The following PRIM2 variants were observed in gnomAD, a reference collection of about 807,000 sequenced individuals.
PRIM2 encodes the protein DNA primase subunit 2, also known as DNA primase large subunit.
In PRIM2, 39 loss-of-function variants were observed where a neutral mutation model predicts 67.3. That is an observed-to-expected ratio of 0.58 (90% CI 0.45 to 0.76). The LOEUF is 0.76. Ranked by LOEUF, PRIM2 falls within the 30% of genes least tolerant of loss-of-function variation. The pLI, the probability that PRIM2 is intolerant of heterozygous loss-of-function variation, is 0.00. For missense variants in PRIM2, 398 were observed against 598.7 expected (o/e 0.66, Z 3.50); for synonymous variants, 143 against 198.7 (o/e 0.72, Z 2.36).
chr6:57,463,388 T>C (rs35880641), intron 7 of PRIM2, among the ~76,000 whole-genome samples: 2 of 152,158 alleles, frequency 1.3e-5, no homozygotes, highest in Non-Finnish European at 2.9e-5. Flanking sequence ...GCTACTCAGG[T>C]GGCTGAGCTG....
At chr6:57,273,999 G>A in the PRIM2 span, among the ~76,000 whole-genome samples, 1 of 152,198 alleles carries the variant, frequency 6.6e-6, no homozygotes, top group Admixed American at 6.5e-5. Context: ...TTTTGTCTCC[G>A]AGGAGTACCC....
the PRIM2 span, chr6:57,221,803 G>A: frequency 2.0e-5 from 3 of 152,402 alleles, no homozygotes; most frequent in African/African-American, 7.2e-5. Context: ...CGGTGCTCAG[G>A]GAGGGGAGAG....
chr6:57,457,555 G>A (rs1214242137), intron 7 of PRIM2, among the ~76,000 whole-genome samples: 1 of 152,188 alleles, frequency 6.6e-6, no homozygotes, highest in African/African-American at 2.4e-5. Context: ...CTAGCAATGA[G>A]TGAGGCTCTG....
At chr6:57,591,031 T>C (rs1341667253) in intron 10 of PRIM2, among the ~76,000 whole-genome samples, 1 of 152,210 alleles carries the variant, frequency 6.6e-6, no homozygotes, top group Non-Finnish European at 1.5e-5. Context: ...CCTTGGGGCC[T>C]CCACATCTCC....
chr6:57,311,771 A>G (rs1361469768), upstream of PRIM2, among the ~76,000 whole-genome samples: 1 of 152,100 alleles, frequency 6.6e-6, no homozygotes, highest in Non-Finnish European at 1.5e-5. Context: ...CTCCGTCTGC[A>G]ATCCCAGCAC....
chr6:57,326,104 C>G, intron 5 of PRIM2, 59 bp downstream of exon 5: 1 of 1,585,122 alleles, frequency 6.3e-7, no homozygotes. Flanking sequence ...TCCCTTCTGT[C>G]TTAAGTGCTG....
chr6:57,621,962 C>G (rs1406038199), intron 12 of PRIM2, among the ~76,000 whole-genome samples: 9 of 149,832 alleles, frequency 6.0e-5, no homozygotes, highest in African/African-American at 2.2e-4. Context: ...TTCTTTCTTT[C>G]TTTTTTGAGA....
At chr6:57,232,148 C>T in the PRIM2 span, among the ~76,000 whole-genome samples, 2 of 152,074 alleles carry the variant, frequency 1.3e-5, no homozygotes, top group Non-Finnish European at 2.9e-5. Flanking sequence ...ACAAGTTCCG[C>T]AAAACAAAAC....
chr6:57,622,591 CTTTT>C, intron 12 of PRIM2, among the ~76,000 whole-genome samples: 1 of 151,916 alleles, frequency 6.6e-6, no homozygotes, highest in East Asian at 1.9e-4. Context: ...TTTTAAAACT[CTTTT>C]TATTTCTCAT....
At chr6:57,407,418 T>G (rs1319680888) in intron 7 of PRIM2, among the ~76,000 whole-genome samples, 2 of 152,104 alleles carry the variant, frequency 1.3e-5, no homozygotes, top group Non-Finnish European at 2.9e-5. Context: ...GTCACAGATT[T>G]TTTTTTTCAC....
chr6:57,306,982 C>T, the PRIM2 span, among the ~76,000 whole-genome samples: 2,851 of 152,056 alleles, frequency 0.019, 37 homozygotes, highest in Middle Eastern at 0.034. Context: ...AGGTGGATCA[C>T]GAGGTCAGGA....
intron 13 of PRIM2, among the ~76,000 whole-genome samples, chr6:57,640,249 G>A (rs1777206289): frequency 2.0e-5 from 3 of 152,092 alleles, no homozygotes; most frequent in Admixed American, 1.3e-4. Context: ...AATAGTAAGA[G>A]CTATTTTTTG....
At chr6:57,322,552 TCTC>T (rs937663017) in intron 3 of PRIM2, among the ~76,000 whole-genome samples, 22 of 152,260 alleles carry the variant, frequency 1.4e-4, no homozygotes, top group African/African-American at 4.1e-4. Context: ...GCTCAGCACT[TCTC>T]CTTACTGCCA....
At chr6:57,240,102 T>TG in the PRIM2 span, among the ~76,000 whole-genome samples, 28,191 of 143,070 alleles carry the variant, frequency 0.2, 2,993 homozygotes, top group Middle Eastern at 0.23. Flanking sequence ...TTTTTTTTTT[T>TG]TTTTTTTTTT....
the PRIM2 span, among the ~76,000 whole-genome samples, chr6:57,287,302 T>C: frequency 6.6e-6 from 1 of 152,178 alleles, no homozygotes; most frequent in African/African-American, 2.4e-5. Context: ...TAAAGACACA[T>C]GCACACGTAT....
intron 7 of PRIM2, among the ~76,000 whole-genome samples, chr6:57,424,317 A>G (rs1391630606): frequency 6.6e-6 from 1 of 152,170 alleles, no homozygotes; most frequent in African/African-American, 2.4e-5. Context: ...TTTCTAGCCA[A>G]AGTAGAGGAT....
chr6:57,256,731 CACACACACACACAT>C, the PRIM2 span, among the ~76,000 whole-genome samples: 1 of 140,608 alleles, frequency 7.1e-6, no homozygotes, highest in African/African-American at 3.1e-5. Flanking sequence ...CACACACACA[CACACACACACACAT>C]ACACTCTTAC....
intron 10 of PRIM2, among the ~76,000 whole-genome samples, chr6:57,561,884 C>G (rs1775638966): frequency 1.3e-5 from 2 of 152,184 alleles, no homozygotes; most frequent in African/African-American, 4.8e-5. Context: ...GGCTTCCTCA[C>G]TAGCCTAATA....
chr6:57,391,584 C>G (rs1217314720), intron 7 of PRIM2, among the ~76,000 whole-genome samples: 1 of 151,380 alleles, frequency 6.6e-6, no homozygotes, highest in East Asian at 1.9e-4. Flanking sequence ...CTGCATATGG[C>G]TAGCCAGTTA....
Sources: gnomAD v4.1 joint callset for allele counts (sites outside exome capture counted in the v4.1 genomes callset) on GRCh38, gnomAD v4.1.1 for gene constraint, MANE v1.5 for transcripts, NCBI Gene and HGNC (gene_info 2026-07-23, HGNC 2026-07-21) for gene names.